Variants in CADPS observed in about 807,000 individuals in gnomAD.
CADPS encodes the protein calcium-dependent secretion activator 1.
In CADPS, 57 loss-of-function variants were observed where a neutral mutation model predicts 167.3. The ratio of observed to expected loss-of-function variants is 0.34; its 90% CI spans 0.28 to 0.42. The LOEUF (loss-of-function observed/expected upper bound fraction) is 0.42. CADPS is among the 20% of genes least tolerant of loss of function. The pLI, the probability that CADPS is intolerant of heterozygous loss-of-function variation, is 1.00. For synonymous variants in CADPS, 676 were observed against 635.3 expected, an observed-to-expected ratio of 1.06 and a Z score of -0.96; for missense variants, 1,414 against 1,738.1, an observed-to-expected ratio of 0.81 and a Z score of 3.32.
intron 3 of CADPS, among the ~76,000 whole-genome samples, chr3:62,728,814 C>G (rs535673450): frequency 6.6e-6 from 1 of 151,630 alleles, no homozygotes. Flanking sequence ...TTGGGGGCGG[C>G]GGAAAACTAG....
chr3:62,634,046 G>A (rs1376846070), intron 6 of CADPS, among the ~76,000 whole-genome samples: 1 of 152,156 alleles, frequency 6.6e-6, no homozygotes, highest in Non-Finnish European at 1.5e-5. Flanking sequence ...AGCTCTTTCA[G>A]TATGGCCAAT....
chr3:62,596,362 A>AT (rs1371725473), intron 6 of CADPS, among the ~76,000 whole-genome samples: 7 of 151,742 alleles, frequency 4.6e-5, no homozygotes, highest in African/African-American at 1.7e-4. Context: ...TGCCCAGCTA[A>AT]TTTTTTTGTA....
chr3:62,522,095 CTCTA>C (rs3074258), intron 13 of CADPS, among the ~76,000 whole-genome samples: 46,239 of 143,814 alleles, frequency 0.32, 7,316 homozygotes, highest in Non-Finnish European at 0.33. Flanking sequence ...ATCCTCAAAG[CTCTA>C]TCTATCTATC....
chr3:62,788,836 G>A (rs1005853084), intron 1 of CADPS, among the ~76,000 whole-genome samples: 2 of 152,038 alleles, frequency 1.3e-5, no homozygotes, highest in South Asian at 4.1e-4. Context: ...ATTTTTCCAA[G>A]AGGATTTTAA....
At chr3:62,449,354 C>T (rs1029507828) in intron 26 of CADPS, among the ~76,000 whole-genome samples, 3 of 152,228 alleles carry the variant, frequency 2.0e-5, no homozygotes, top group Admixed American at 2.0e-4. Flanking sequence ...TGATTCAAGT[C>T]CCCTTAGAGG....
intron 1 of CADPS, among the ~76,000 whole-genome samples, chr3:62,767,182 T>C (rs1001268881): frequency 6.6e-6 from 1 of 152,194 alleles, no homozygotes; most frequent in African/African-American, 2.4e-5. Context: ...TAAAAAGTTA[T>C]GCTTTATAAT....
chr3:62,565,166 G>T (rs1015541742), intron 9 of CADPS, among the ~76,000 whole-genome samples: 5 of 152,176 alleles, frequency 3.3e-5, no homozygotes, highest in Non-Finnish European at 7.3e-5. Context: ...CGAGGGTTTA[G>T]AATGAGGCCC....
At chr3:62,828,243 T>C (rs1459529549) in intron 1 of CADPS, among the ~76,000 whole-genome samples, 1 of 152,196 alleles carries the variant, frequency 6.6e-6, no homozygotes, top group African/African-American at 2.4e-5. Context: ...GTCACGCTTC[T>C]TCTAAGTCGT....
intron 9 of CADPS, among the ~76,000 whole-genome samples, chr3:62,565,665 G>A (rs772820603): frequency 7.9e-5 from 12 of 152,184 alleles, no homozygotes; most frequent in Non-Finnish European, 1.2e-4. Context: ...GAAGCTCCTC[G>A]CAACTGCTTC....
intron 3 of CADPS, among the ~76,000 whole-genome samples, chr3:62,693,290 T>C (rs1911195): frequency 0.89 from 135,799 of 151,892 alleles, 60,788 homozygotes; most frequent in East Asian, 0.98. Context: ...GATTATTTTG[T>C]GTATTCACTT....
chr3:62,870,079 T>C (rs2082345520), intron 1 of CADPS, among the ~76,000 whole-genome samples: 1 of 152,150 alleles, frequency 6.6e-6, no homozygotes. Flanking sequence ...TTCCGCATCT[T>C]CAGAAAGTCT....
chr3:62,593,589 G>A (rs938673801), intron 6 of CADPS, among the ~76,000 whole-genome samples: 5 of 152,154 alleles, frequency 3.3e-5, no homozygotes, highest in Non-Finnish European at 7.3e-5. Flanking sequence ...CACTCAGGGG[G>A]CAATCTGGAC....
chr3:62,795,263 G>A (rs1243642740), intron 1 of CADPS, among the ~76,000 whole-genome samples: 2 of 151,852 alleles, frequency 1.3e-5, no homozygotes, highest in African/African-American at 4.8e-5. Flanking sequence ...ATCTCTAAGA[G>A]GCTTGCTCTT....
intron 29 of CADPS, among the ~76,000 whole-genome samples, chr3:62,402,245 G>GC (rs1343411964): frequency 2.9e-5 from 4 of 136,106 alleles, no homozygotes; most frequent in East Asian, 2.6e-4. Context: ...GGGGCGGGGG[G>GC]GGGGGGTGCC....
Position 62,753,296 on chromosome 3 carries a change from C to G in CADPS, c.888+145G>C. 1.6e-6 allele frequency: 1 copy of G among 622,240 alleles called. No individual in the cohort carries two copies. The highest frequency in any genetic ancestry group is 2.8e-6 in the Non-Finnish European group (1 of 359,720). The allele number at this position is 622,240 out of a possible 1,614,324, so 38.5% of individuals were successfully genotyped here. On this transcript the variant is annotated intron_variant, in intron 3 of 29. Coordinates refer to ENST00000383710, the MANE Select transcript of CADPS (RefSeq NM_003716.4). The surrounding 1 kb of genome is among the most constrained non-coding windows in gnomAD (Gnocchi z 4.6). ...GAAGAAAAGCATGAATATACTCCAG[C>G]CTAAACTGTATTCAACTTTTTACCA...
At chr3:62,587,357 C>T (rs2148661546) in intron 7 of CADPS, among the ~76,000 whole-genome samples, 1 of 152,332 alleles carries the variant, frequency 6.6e-6, no homozygotes, top group African/African-American at 2.4e-5. Context: ...AGACCTCTCC[C>T]TTTTCTCCAG....
intron 6 of CADPS, among the ~76,000 whole-genome samples, chr3:62,630,482 G>A (rs2065072843): frequency 6.6e-6 from 1 of 151,974 alleles, no homozygotes; most frequent in Non-Finnish European, 1.5e-5. Flanking sequence ...CTGAGTAGCT[G>A]GGATTGCAGG....
At chr3:62,613,819 G>C (rs2061851827) in intron 6 of CADPS, among the ~76,000 whole-genome samples, 1 of 152,160 alleles carries the variant, frequency 6.6e-6, no homozygotes, top group African/African-American at 2.4e-5. Flanking sequence ...CAATTAAGAG[G>C]CTTGGTTAGA....
At chr3:62,586,042 C>G (rs2084538796) in intron 7 of CADPS, among the ~76,000 whole-genome samples, 2 of 152,172 alleles carry the variant, frequency 1.3e-5, no homozygotes, top group Non-Finnish European at 2.9e-5. Flanking sequence ...GAGAGTGAAA[C>G]AGGAAGTGAG....
Sources: allele counts gnomAD v4.1 joint callset (sites outside exome capture counted in the v4.1 genomes callset), GRCh38; gene constraint gnomAD v4.1.1; non-coding constraint Gnocchi (gnomAD v3.1); transcripts MANE v1.5; gene names NCBI Gene and HGNC (gene_info 2026-07-23, HGNC 2026-07-21).